The following DMD variants were observed in gnomAD, a reference collection of about 807,000 sequenced individuals.
DMD encodes mutant dystrophin.
DMD carries 63 observed loss-of-function variants against 330.1 expected under a neutral mutation model. The observed-to-expected ratio is 0.19, with a 90% confidence interval of 0.16 to 0.24. DMD has a LOEUF of 0.24. Ranked by LOEUF, DMD falls within the 10% of genes least tolerant of loss-of-function variation. DMD has a pLI of 1.00. For missense variants in DMD, 3,344 were observed against 2,684.1 expected (o/e 1.25, Z -5.43); for synonymous variants, 1,223 against 959.8 (o/e 1.27, Z -5.07).
intron 2 of DMD, among the ~76,000 whole-genome samples, chrX:32,954,021 A>G (rs953590285): frequency 1.8e-5 from 2 of 111,830 alleles, no homozygotes; most frequent in African/African-American, 3.2e-5. Context: ...GTCTACCTAC[A>G]TATCATCATT....
chrX:31,168,949 C>T (rs1478455230), intron 74 of DMD, among the ~76,000 whole-genome samples: 2 of 111,534 alleles, frequency 1.8e-5, no homozygotes, highest in Non-Finnish European at 3.8e-5. Flanking sequence ...AATTGTCTCA[C>T]TAACCTGCTA....
At chrX:32,902,097 T>C (rs897369314) in intron 2 of DMD, among the ~76,000 whole-genome samples, 5 of 106,565 alleles carry the variant, frequency 4.7e-5, no homozygotes, top group Admixed American at 1.0e-4. Context: ...AAGAGTGCAA[T>C]AGCAAAATAA....
At chrX:31,478,487 G>C (rs2067995454) in intron 58 of DMD, 113 bp from the exon 59 acceptor site, 1 of 1,006,247 alleles carries the variant, frequency 9.9e-7, no homozygotes, top group Admixed American at 2.5e-5. Flanking sequence ...GTAACCTACT[G>C]ATTAACGGCT....
At chrX:31,585,652 C>A (rs1181399739) in intron 55 of DMD, among the ~76,000 whole-genome samples, 1 of 110,531 alleles carries the variant, frequency 9.0e-6, no homozygotes, top group Non-Finnish European at 1.9e-5. Flanking sequence ...AAGCTTCTGG[C>A]AAAAATAAAA....
At chrX:33,298,620 C>T (rs771972117) in intron 1 of DMD, among the ~76,000 whole-genome samples, 1 of 111,458 alleles carries the variant, frequency 9.0e-6, no homozygotes, top group Non-Finnish European at 1.9e-5. Flanking sequence ...ATTCTATTCT[C>T]TTAGTATCTT....
intron 18 of DMD, among the ~76,000 whole-genome samples, chrX:32,503,609 G>A (rs1214818042): frequency 7.2e-5 from 8 of 111,417 alleles, no homozygotes; most frequent in Admixed American, 9.5e-5. Context: ...AGGCTGGAGT[G>A]CAGTGGCATG....
intron 44 of DMD, among the ~76,000 whole-genome samples, chrX:32,086,010 T>C (rs1308241678): frequency 8.9e-6 from 1 of 112,178 alleles, no homozygotes; most frequent in East Asian, 2.8e-4. Flanking sequence ...GCCCATAAAA[T>C]GATTGTTTAA....
intron 55 of DMD, among the ~76,000 whole-genome samples, chrX:31,559,364 C>T (rs55991587): frequency 0.11 from 8,449 of 78,355 alleles, 938 homozygotes; most frequent in East Asian, 0.21. Flanking sequence ...TCTTGGCTGC[C>T]GGGCGCGGTG....
intron 2 of DMD, among the ~76,000 whole-genome samples, chrX:32,965,493 CAAA>C (rs34853368): frequency 2.9e-5 from 1 of 34,643 alleles, no homozygotes; most frequent in Middle Eastern, 0.014. Flanking sequence ...GACTCTGTCT[CAAA>C]AAAAAAAAAA....
At chrX:31,350,361 T>C (rs1474734826) in intron 60 of DMD, among the ~76,000 whole-genome samples, 1 of 112,162 alleles carries the variant, frequency 8.9e-6, no homozygotes, top group Non-Finnish European at 1.9e-5. Context: ...TCTAACAGTA[T>C]ATGGTTTATA....
At chrX:31,331,122 G>A (rs891807577) in intron 61 of DMD, among the ~76,000 whole-genome samples, 11 of 111,870 alleles carry the variant, frequency 9.8e-5, no homozygotes, top group Admixed American at 1.9e-4. Flanking sequence ...CCATAGCTGT[G>A]AAAATCTTTA....
chrX:31,769,399 G>A (rs970743020), intron 51 of DMD, among the ~76,000 whole-genome samples: 5 of 112,058 alleles, frequency 4.5e-5, no homozygotes, highest in East Asian at 2.8e-4. Flanking sequence ...ATTACTGTAC[G>A]TGTCATGGTC....
chrX:31,333,303 T>A (rs912847949), intron 61 of DMD, among the ~76,000 whole-genome samples: 2 of 110,149 alleles, frequency 1.8e-5, no homozygotes, highest in Non-Finnish European at 3.8e-5. Context: ...AAGCTTACTA[T>A]TTTTTTTCCT....
At chrX:31,791,168 G>A (rs780674239) in intron 50 of DMD, among the ~76,000 whole-genome samples, 151 of 111,548 alleles carry the variant, frequency 1.4e-3, no homozygotes, top group African/African-American at 4.8e-3. Flanking sequence ...TTTAAAAGTC[G>A]TACTCTTTAC....
intron 1 of DMD, among the ~76,000 whole-genome samples, chrX:33,140,323 T>A (rs752632305): frequency 8.9e-6 from 1 of 112,275 alleles, no homozygotes; most frequent in East Asian, 2.8e-4. Flanking sequence ...GGCTTTTGTG[T>A]TAATTGGAGG....
chrX:32,733,627 C>T (rs1422945798), intron 7 of DMD, among the ~76,000 whole-genome samples: 1 of 111,603 alleles, frequency 9.0e-6, no homozygotes, highest in African/African-American at 3.3e-5. Flanking sequence ...AACCGCTCAA[C>T]TACATGGAAA....
At chrX:32,644,526 G>C (rs760714813) in intron 10 of DMD, among the ~76,000 whole-genome samples, 1 of 109,963 alleles carries the variant, frequency 9.1e-6, no homozygotes, top group Admixed American at 9.9e-5. Flanking sequence ...AGCAGGCCCC[G>C]AGATAAGGAC....
rs894704354 is a variant in DMD, at chrX:32,593,335, G to A, written c.1602+2422C>T. Among the ~76,000 whole-genome samples, 10 of 112,640 alleles carry A rather than the reference G, an allele frequency of 8.9e-5. No homozygotes were observed. The Admixed American group carries it at 9.3e-4, about 11-fold the overall frequency. On this transcript the variant is annotated intron_variant, in intron 13 of 78. Transcript: ENST00000357033. ...TCAGTCTAAGTCAGAGTAATTTCCT[G>A]TCACAAAAGCTTATTTTTTGCCTTT...
chrX:32,205,010 T>G (rs59685916), intron 44 of DMD, among the ~76,000 whole-genome samples: 5 of 53,054 alleles, frequency 9.4e-5, no homozygotes, highest in South Asian at 1.5e-3. Context: ...CTCTCTCACA[T>G]ACACACACAC....
Sources: gnomAD v4.1 joint callset for allele counts (sites outside exome capture counted in the v4.1 genomes callset) on GRCh38, gnomAD v4.1.1 for gene constraint, MANE v1.5 for transcripts, NCBI Gene and HGNC (gene_info 2026-07-23, HGNC 2026-07-21) for gene names.